The following MED12L variants were observed in gnomAD, a reference collection of about 807,000 sequenced individuals.
MED12L encodes the protein mediator of RNA polymerase II transcription subunit 12-like protein.
In MED12L, 60 loss-of-function variants were observed where a neutral mutation model predicts 281.3. That is an observed-to-expected ratio of 0.21 (90% CI 0.17 to 0.26). The LOEUF (loss-of-function observed/expected upper bound fraction) is 0.26. MED12L is among the 10% of genes least tolerant of loss of function. MED12L has a pLI of 1.00. For synonymous variants in MED12L, 974 were observed against 987.2 expected, an observed-to-expected ratio of 0.99 and a Z score of 0.25; for missense variants, 2,146 against 2,680.9, an observed-to-expected ratio of 0.80 and a Z score of 4.41.
At chr3:151,293,575 T>TCACACACA (rs1744559224) in intron 16 of MED12L, among the ~76,000 whole-genome samples, 4 of 34,354 alleles carry the variant, frequency 1.2e-4, no homozygotes, top group Admixed American at 7.3e-4. Context: ...AATGAAGCCC[T>TCACACACA]TACACACACA....
At chr3:151,185,697 G>A (rs1293123699) in intron 12 of MED12L, among the ~76,000 whole-genome samples, 2 of 151,970 alleles carry the variant, frequency 1.3e-5, no homozygotes, top group Non-Finnish European at 2.9e-5. Context: ...TTTAGGCTGG[G>A]CACAATGGCT....
intron 19 of MED12L, among the ~76,000 whole-genome samples, chr3:151,356,865 C>G (rs1415278183): frequency 2.0e-5 from 3 of 151,878 alleles, no homozygotes; most frequent in Admixed American, 1.3e-4. Flanking sequence ...GAGATATTAA[C>G]TTTGTTAATG....
intron 39 of MED12L, among the ~76,000 whole-genome samples, chr3:151,405,112 T>C (rs1577574236): frequency 6.6e-6 from 1 of 152,366 alleles, no homozygotes; most frequent in East Asian, 1.9e-4. Flanking sequence ...ACTCTTCTTA[T>C]AAAGGTTAGG....
chr3:151,203,507 A>G (rs570393144), intron 16 of MED12L, among the ~76,000 whole-genome samples: 2 of 151,896 alleles, frequency 1.3e-5, no homozygotes, highest in Non-Finnish European at 1.5e-5. Context: ...ATAATTAAAG[A>G]TATAAGGTGT....
At chr3:151,399,715 G>A (rs1017774576) in intron 39 of MED12L, among the ~76,000 whole-genome samples, 3 of 151,992 alleles carry the variant, frequency 2.0e-5, no homozygotes, top group Admixed American at 6.5e-5. Context: ...TCTTATACTC[G>A]GTATTTTTCT....
At position 151,190,857 on chromosome 3, in the gene MED12L, T is replaced by C. The variant is rs1489347343; in HGVS notation, c.1894T>C (p.Ser632Pro). 6.2e-7 allele frequency: 1 copy of C among 1,614,046 alleles called. No individual in the cohort carries two copies. The highest frequency in any genetic ancestry group is 8.5e-7 in the Non-Finnish European group (1 of 1,180,048). Reference sequence around the variant, plus strand: ...TCGAGGAGATTTGTCAGTCACTGCCTCAACTCGGCCGCGGTCACCAGTAGG... The same window carrying C: ...TCGAGGAGATTTGTCAGTCACTGCCCCAACTCGGCCGCGGTCACCAGTAGG... ...ISRGDLSVTA[S>P]TRPRSPVGEN... Residue 632 changes from serine to proline, a missense_variant, in exon 14 of 45, where the codon TCA (serine) becomes CCA (proline). Ser to Pro is a moderately conservative substitution (Grantham distance 74). Coordinates refer to ENST00000687756, the MANE Select transcript of MED12L (RefSeq NM_001393769.1).
Position 151,158,755 on chromosome 3 carries a change from A to G in MED12L, c.793A>G (p.Met265Val), listed in dbSNP as rs1381845821. The G allele has an allele frequency of 4.3e-6, 7 of 1,613,096 alleles. No individual in the cohort carries two copies. The highest frequency in any genetic ancestry group is 1.6e-4 in the Middle Eastern group (1 of 6,082). ...ILDVLEKIRP[M>V]DDDLLKLLLP... Reference sequence around the variant, plus strand: ...GGATGTTTTAGAAAAGATCAGACCAATGGATGATGATCTTCTTAAACTCTT... The same window carrying G: ...GGATGTTTTAGAAAAGATCAGACCAGTGGATGATGATCTTCTTAAACTCTT... Residue 265 changes from methionine to valine, a missense_variant, in exon 7 of 45, where the codon ATG becomes GTG. Met to Val is a conservative substitution (Grantham distance 21). This residue lies in a region of MED12L where 722 missense variants were observed against 861.2 expected (regional missense o/e 0.84). Coordinates refer to ENST00000687756, the MANE Select transcript of MED12L (RefSeq NM_001393769.1).
At chr3:151,183,494 C>T (rs1336636481) in intron 11 of MED12L, among the ~76,000 whole-genome samples, 3 of 152,196 alleles carry the variant, frequency 2.0e-5, no homozygotes, top group Non-Finnish European at 4.4e-5. Context: ...TGCTGATCTT[C>T]AGAGTGTCGT....
intron 32 of MED12L, 59 bp from the exon 33 acceptor site, chr3:151,382,597 T>C (rs1206408891): frequency 1.6e-6 from 2 of 1,276,110 alleles, no homozygotes; most frequent in Non-Finnish European, 1.1e-6. Context: ...TAAAGCTCAA[T>C]TTATCTTTAA....
chr3:151,368,628 T>TCA (rs1207530460), intron 25 of MED12L, among the ~76,000 whole-genome samples: 18 of 69,514 alleles, frequency 2.6e-4, no homozygotes, highest in Admixed American at 2.1e-3. Context: ...TTATTTTATT[T>TCA]TATTTCATTT....
rs1392115170 is a variant in MED12L at position 151,200,829 on chromosome 3, C to T, written c.2250+7163C>T. Reference sequence around the variant, plus strand: ...TACTTTACATGTACTTATTTAACTTCTTATCATTTCCATAAGCTAGGTGTT... The same window carrying T: ...TACTTTACATGTACTTATTTAACTTTTTATCATTTCCATAAGCTAGGTGTT... On this transcript the variant is annotated intron_variant, in intron 16 of 44. Transcript: ENST00000687756. The T allele has an allele frequency of 5.3e-5, 8 of 152,194 alleles. No homozygotes were observed. In the South Asian group the frequency reaches 1.2e-3, roughly 24 times the overall value. 9.4% of individuals were successfully genotyped at this position (152,194 alleles called of 1,614,324 possible).
chr3:151,261,254 C>A (rs1738826884), intron 16 of MED12L: 1 of 151,812 alleles, frequency 6.6e-6, no homozygotes, highest in Non-Finnish European at 1.5e-5. Flanking sequence ...AAAAAAAAAC[C>A]CCAAAAGGCA....
intron 16 of MED12L, chr3:151,212,979 A>G (rs867900165): frequency 6.2e-6 from 1 of 161,770 alleles, no homozygotes; most frequent in African/African-American, 2.4e-5. Flanking sequence ...TTTATTTACT[A>G]TTTAAATTTC....
chr3:151,247,609 T>A (rs1735876086), intron 16 of MED12L, among the ~76,000 whole-genome samples: 1 of 87,916 alleles, frequency 1.1e-5, no homozygotes, highest in African/African-American at 3.9e-5. Flanking sequence ...CCGGGGACTG[T>A]TGTGGGGTCG....
At chr3:151,100,287 A>G (rs1338547299) in intron 2 of MED12L, among the ~76,000 whole-genome samples, 2 of 152,178 alleles carry the variant, frequency 1.3e-5, no homozygotes, top group African/African-American at 4.8e-5. Flanking sequence ...ACCCACATCC[A>G]ATGTGCTGCA....
At chr3:151,220,142 C>T (rs906912979) in intron 16 of MED12L, among the ~76,000 whole-genome samples, 59 of 148,534 alleles carry the variant, frequency 4.0e-4, no homozygotes, top group African/African-American at 1.4e-3. Flanking sequence ...TAACCCACTA[C>T]CCAAGTTGCG....
intron 16 of MED12L, chr3:151,338,095 G>C (rs1751271720): frequency 6.2e-7 from 1 of 1,613,958 alleles, no homozygotes; most frequent in African/African-American, 1.3e-5. Context: ...AAATGGAAAG[G>C]AACAAAACAA....
Position 151,366,001 on chromosome 3 carries a change from C to A in MED12L, c.3327+10C>A. ...ACTTTGCACTGTAGATGTAAGTTTT[C>A]TTTTTCATTTAAAAATTGAACTGTG... is the stretch of plus-strand genomic sequence containing the variant. On this transcript the variant is annotated intron_variant, in intron 23 of 44. Transcript: ENST00000687756. 1 of 1,530,848 alleles carries A rather than the reference C, an allele frequency of 6.5e-7. No individual in the cohort carries two copies. The highest frequency in any genetic ancestry group is 8.8e-7 in the Non-Finnish European group (1 of 1,139,786). The allele number at this position is 1,530,848 out of a possible 1,614,324, so 94.8% of individuals were successfully genotyped here.
intron 44 of MED12L, 36 bp from the exon 45 acceptor site, chr3:151,432,716 G>A (rs1431097583): frequency 1.3e-6 from 2 of 1,552,368 alleles, no homozygotes; most frequent in Non-Finnish European, 1.8e-6. Flanking sequence ...ATAGTTTTGT[G>A]TCTGTAATTT....
Sources: gnomAD v4.1 joint callset for allele counts (sites outside exome capture counted in the v4.1 genomes callset) on GRCh38, gnomAD v4.1.1 for gene constraint, gnomAD v4.1.1 regional missense constraint, MANE v1.5 for transcripts, NCBI Gene and HGNC (gene_info 2026-07-23, HGNC 2026-07-21) for gene names.